ST3GAL5: variants seen among roughly 807,000 people sequenced by gnomAD.
ST3GAL5 encodes the protein lactosylceramide alpha-2,3-sialyltransferase.
Under a neutral mutation model 46.1 loss-of-function variants are expected in ST3GAL5, and 25 were observed. The observed-to-expected ratio is 0.54, with a 90% CI of 0.40 to 0.76. ST3GAL5 has a LOEUF of 0.76. Among genes scored for constraint, ST3GAL5 ranks in the 30% least tolerant of loss-of-function variants. The pLI, the probability that ST3GAL5 is intolerant of heterozygous loss-of-function variation, is 0.00. For synonymous variants in ST3GAL5, 182 were observed against 192.7 expected (o/e 0.94, Z 0.46); for missense variants, 431 against 521.2 (o/e 0.83, Z 1.69).
chr2:85,877,054 T>C (rs1398351665), intron 1 of ST3GAL5, among the ~76,000 whole-genome samples: 2 of 152,238 alleles, frequency 1.3e-5, no homozygotes, highest in Non-Finnish European at 2.9e-5. Flanking sequence ...TGCCATTCCA[T>C]TGGTATACTG....
Position 85,844,441 on chromosome 2 carries a change from G to T in ST3GAL5, c.963C>A (p.Ile321=), listed in dbSNP as rs1395818245. ...PVIIKETAFD[I]LQYSEPQSRF... is the part of the protein sequence containing the mutation. Reference sequence around the variant, plus strand: ...TTGACTGAGGCTCTGAGTACTGAAGGATGTCAAAGGCAGTCTCTTTGATGA... The same window carrying T: ...TTGACTGAGGCTCTGAGTACTGAAGTATGTCAAAGGCAGTCTCTTTGATGA... Residue 321 remains isoleucine (I), a synonymous_variant, in exon 6 of 7, where the codon ATC becomes ATA. Transcript: ENST00000638572. 1 of 1,614,068 alleles carries T rather than the reference G, an allele frequency of 6.2e-7. No individual in the cohort carries two copies. Among genetic ancestry groups the T allele is most frequent in the African/African-American group, 1.3e-5 (1 of 74,914 alleles).
chr2:85,848,286 TG>T (rs1250317344), intron 3 of ST3GAL5, 82 bp from the exon 4 acceptor site: 2 of 1,612,052 alleles, frequency 1.2e-6, no homozygotes, highest in Non-Finnish European at 1.7e-6. Flanking sequence ...ATTTGTCCTA[TG>T]ATGTCTGATG....
intron 3 of ST3GAL5, chr2:85,850,644 A>C (rs1683382491): frequency 6.6e-6 from 1 of 152,280 alleles, no homozygotes; most frequent in Non-Finnish European, 1.5e-5. Flanking sequence ...AGAGACCTAA[A>C]GGCCTAACCC....
chr2:85,844,508 A>AT lies in ST3GAL5; in HGVS notation c.895dup (p.Ile299AsnfsTer22), dbSNP rs1450189213. The AT allele has an allele frequency of 5.0e-6, 8 of 1,613,898 alleles. No homozygotes were observed. The highest frequency in any genetic ancestry group is 3.3e-5 in the South Asian group (3 of 91,082). On this transcript the variant is annotated frameshift_variant, in exon 6 of 7. Transcript: ENST00000638572. LOFTEE classifies it high-confidence loss of function. ...CCTGAAATGTTTTGGCTGCAGTGGG[A>AT]TTTTTTCTGCCACCTGCTTCCAAAA... is the stretch of plus-strand genomic sequence containing the variant.
At position 85,839,773 on chromosome 2, in the gene ST3GAL5, G is replaced by A. The variant is rs1289726660; in HGVS notation, c.*371C>T. 5 of 335,818 alleles carry A rather than the reference G, an allele frequency of 1.5e-5. No individual in the cohort carries two copies. In the Admixed American group the frequency reaches 1.7e-4, roughly 12 times the overall value. 20.8% of individuals were successfully genotyped at this position (335,818 alleles called of 1,614,324 possible). On this transcript the variant is annotated 3_prime_UTR_variant, in exon 7 of 7. Coordinates refer to ENST00000638572, the MANE Select transcript of ST3GAL5 (RefSeq NM_003896.4). ...ATGAGGTTCAGGGCCACCATCAAAA[G>A]AGTGACCTCCCCTCTCCTTCCAATT... is the stretch of plus-strand genomic sequence containing the variant.
chr2:85,851,750 G>C, intron 3 of ST3GAL5: 1 of 1,288,030 alleles, frequency 7.8e-7, no homozygotes, highest in Non-Finnish European at 1.0e-6. Context: ...GAGGACTCCA[G>C]AGCTCCCAGG....
intron 3 of ST3GAL5, among the ~76,000 whole-genome samples, chr2:85,858,935 G>A (rs886830414): frequency 6.6e-6 from 1 of 152,112 alleles, no homozygotes; most frequent in African/African-American, 2.4e-5. Flanking sequence ...GATTCCTTAG[G>A]GGAGCCTTAA....
chr2:85,888,954 C>T lies in ST3GAL5; in HGVS notation c.-49G>A, dbSNP rs941611400. The T allele has an allele frequency of 9.6e-6, 12 of 1,252,186 alleles. No homozygotes were observed. The South Asian group carries it at 1.9e-4, about 20-fold the overall frequency. 77.6% of individuals were successfully genotyped at this position (1,252,186 alleles called of 1,614,324 possible). ...CCGCCAGCCCGGTACCCCGCGCCCC[C>T]ACCCGCCCCCAGCGCCGCTCTCGCG... On this transcript the variant is annotated 5_prime_UTR_variant, in exon 1 of 7. Coordinates refer to ENST00000638572, the MANE Select transcript of ST3GAL5 (RefSeq NM_003896.4).
At chr2:85,878,653 A>G (rs1216500559) in intron 1 of ST3GAL5, among the ~76,000 whole-genome samples, 1 of 152,266 alleles carries the variant, frequency 6.6e-6, no homozygotes, top group African/African-American at 2.4e-5. Context: ...TAAAAATTTC[A>G]TAAGCTTCTT....
Position 85,839,289 on chromosome 2 carries a change from C to T in ST3GAL5, c.*855G>A, listed in dbSNP as rs1681730146. 1 of 151,872 alleles carries T rather than the reference C, an allele frequency of 6.6e-6. No homozygotes were observed. Among genetic ancestry groups the T allele is most frequent in the Non-Finnish European group, 1.5e-5 (1 of 68,004 alleles). The allele number at this position is 151,872 out of a possible 1,614,324, so 9.4% of individuals were successfully genotyped here. ...TGGGAAGATTTCATTTCAGTGTTTC[C>T]CAAAACATTATTCCTGGAAAGGGTG... On this transcript the variant is annotated 3_prime_UTR_variant, in exon 7 of 7. Transcript: ENST00000638572.
intron 6 of ST3GAL5, among the ~76,000 whole-genome samples, chr2:85,840,677 G>A (rs990633963): frequency 6.6e-6 from 1 of 152,110 alleles, no homozygotes; most frequent in Non-Finnish European, 1.5e-5. Context: ...CAGGTGCGGT[G>A]GCTCACGCCT....
chr2:85,859,163 CA>C (rs1051704569), intron 3 of ST3GAL5, among the ~76,000 whole-genome samples: 25 of 152,316 alleles, frequency 1.6e-4, no homozygotes, highest in African/African-American at 5.3e-4. Flanking sequence ...GGCCCTTGTA[CA>C]GGAGAGCGCA....
chr2:85,865,725 G>C (rs1363500411), intron 1 of ST3GAL5: 2 of 152,266 alleles, frequency 1.3e-5, no homozygotes, highest in Non-Finnish European at 2.9e-5. Flanking sequence ...GATGACTGTG[G>C]TAAGAGTATG....
At chr2:85,869,618 T>A (rs1685689169) in intron 1 of ST3GAL5, among the ~76,000 whole-genome samples, 1 of 151,982 alleles carries the variant, frequency 6.6e-6, no homozygotes, top group African/African-American at 2.4e-5. Context: ...CAGAAACAAA[T>A]CATGAGGAAC....
rs1363562439 is a variant in ST3GAL5, at chr2:85,882,792, G to A, written c.82+6032C>T. Among the ~76,000 whole-genome samples the A allele has an allele frequency of 2.8e-5, 4 of 143,012 alleles. No individual in the cohort carries two copies. The East Asian group carries it at 8.6e-4, about 31-fold the overall frequency. 93.8% of individuals were successfully genotyped at this position (143,012 alleles called of 152,430 possible). On this transcript the variant is annotated intron_variant, in intron 1 of 6. Coordinates refer to ENST00000638572, the MANE Select transcript of ST3GAL5 (RefSeq NM_003896.4). ...AGGTTGCAGTGAGCTGAGATCGCAC[G>A]CCATTGCACTCCAGCCTGTGCAACG... is the stretch of plus-strand genomic sequence containing the variant.
chr2:85,852,861 T>C (rs1247274935), intron 3 of ST3GAL5: 36 of 1,303,928 alleles, frequency 2.8e-5, no homozygotes, highest in Non-Finnish European at 3.6e-5. Context: ...TTTTCTTACC[T>C]CTAAGATATC....
In ST3GAL5 at chr2:85,888,859, G is replaced by T; in HGVS notation, c.47C>A (p.Pro16Gln). Residue 16 changes from proline to glutamine, a missense_variant, in exon 1 of 7, where the codon CCG becomes CAG. Pro to Gln is a moderately conservative substitution (Grantham distance 76). Transcript: ENST00000638572. ...AGCAERRPLQ[P>Q]RTEAAAAPAG... ...AGGTGCCGCCGCTGCCTCGGTCCGC[G>T]GCTGCAGGGGACGCCGCTCCGCGCA... 1.5e-6 allele frequency: 2 copies of T among 1,353,076 alleles called. No individual in the cohort carries two copies. Among genetic ancestry groups the T allele is most frequent in the Non-Finnish European group, 1.9e-6 (2 of 1,045,814 alleles). The allele number at this position is 1,353,076 out of a possible 1,614,324, so 83.8% of individuals were successfully genotyped here. A position where few individuals can be genotyped will look rare whatever the true frequency, so the allele number is the denominator to read the frequency against.
intron 1 of ST3GAL5, 72 bp from the exon 2 acceptor site, chr2:85,863,557 A>G: frequency 6.4e-7 from 1 of 1,553,444 alleles, no homozygotes; most frequent in East Asian, 2.2e-5. Flanking sequence ...TATGGTTTTC[A>G]AAGAGCCTTT....
chr2:85,842,119 T>C (rs992410658), intron 6 of ST3GAL5, among the ~76,000 whole-genome samples: 10 of 152,208 alleles, frequency 6.6e-5, no homozygotes, highest in African/African-American at 2.4e-4. Flanking sequence ...CCATCATTTG[T>C]TAAAATCTGC....
Sources: allele counts gnomAD v4.1 joint callset (sites outside exome capture counted in the v4.1 genomes callset), GRCh38; gene constraint gnomAD v4.1.1; transcripts MANE v1.5; gene names NCBI Gene and HGNC (gene_info 2026-07-23, HGNC 2026-07-21).